Variants in TXNRD1 observed in about 807,000 individuals in gnomAD.
The protein encoded by TXNRD1 is thioredoxin reductase 1, also known as thioredoxin reductase 1, cytoplasmic.
In TXNRD1, 57 loss-of-function variants were observed where a neutral mutation model predicts 80.3. That is an observed-to-expected ratio of 0.71 (90% CI 0.57 to 0.89). TXNRD1 has a LOEUF of 0.89. Among genes scored for constraint, TXNRD1 ranks in the 40% least tolerant of loss-of-function variants. The pLI is 0.00. For synonymous variants in TXNRD1, 291 were observed against 285.2 expected, an observed-to-expected ratio of 1.02 and a Z score of -0.20; for missense variants, 730 against 803.0, an observed-to-expected ratio of 0.91 and a Z score of 1.10.
At chr12:104,235,519 A>G (rs1286066438) in intron 1 of TXNRD1, among the ~76,000 whole-genome samples, 1 of 152,226 alleles carries the variant, frequency 6.6e-6, no homozygotes, top group Non-Finnish European at 1.5e-5. Context: ...AAGAGGGTAA[A>G]AAGGTTTACC....
chr12:104,283,731 G>T (rs537015873), intron 3 of TXNRD1, among the ~76,000 whole-genome samples: 1 of 152,072 alleles, frequency 6.6e-6, no homozygotes, highest in Non-Finnish European at 1.5e-5. Context: ...TTAGCCAGGC[G>T]TGGTGGCACA....
intron 3 of TXNRD1, among the ~76,000 whole-genome samples, chr12:104,269,400 T>TTTC (rs200934323): frequency 2.0e-3 from 121 of 61,634 alleles, no homozygotes; most frequent in Non-Finnish European, 2.6e-3. Context: ...TGTTTCTTTC[T>TTTC]TTTTTTTTTT....
Position 104,298,740 on chromosome 12 carries a change from T to A in TXNRD1, c.414+9700T>A, listed in dbSNP as rs2034514800. Among the ~76,000 whole-genome samples, 3 of 151,060 alleles carry A rather than the reference T, an allele frequency of 2.0e-5. No homozygotes were observed. In the South Asian group the frequency reaches 6.2e-4, roughly 31 times the overall value. ...CTCTATCTAAAATAAAAATAAAAAA[T>A]AAAAAAAATTAAATTTTTTTCTGTT... is the stretch of plus-strand genomic sequence containing the variant. On this transcript the variant is annotated intron_variant, in intron 4 of 16. Coordinates refer to ENST00000525566, the MANE Select transcript of TXNRD1 (RefSeq NM_001093771.3).
At chr12:104,311,966 A>C (rs1042806073) in intron 5 of TXNRD1, among the ~76,000 whole-genome samples, 1 of 151,888 alleles carries the variant, frequency 6.6e-6, no homozygotes, top group African/African-American at 2.4e-5. Context: ...GGTCAACAGG[A>C]GCAAAACTCT....
In TXNRD1 at chr12:104,321,167, G is replaced by A. The variant is rs375808643; in HGVS notation, c.1066G>A (p.Ala356Thr). 2.2e-5 allele frequency: 36 copies of A among 1,613,064 alleles called. No homozygotes were observed. Among genetic ancestry groups the A allele is most frequent in the Admixed American group, 6.7e-5 (4 of 59,926 alleles). The change falls in exon 10 of 17, where the codon GCT becomes ACT. Residue 356 changes from alanine to threonine, a missense_variant. By Grantham distance (58) the Ala-to-Thr change is moderately conservative. Transcript: ENST00000525566. ...VGASYVALEC[A>T]GFLAGIGLDV... is the part of the protein sequence containing the mutation. The stretch of plus-strand genomic sequence containing the variant: ...AGCATCCTATGTCGCTTTGGAGTGC[G>A]CTGGATTTCTTGCTGGTATTGGTTT...
At chr12:104,300,693 C>T (rs576600824) in intron 4 of TXNRD1, among the ~76,000 whole-genome samples, 5 of 152,078 alleles carry the variant, frequency 3.3e-5, no homozygotes, top group African/African-American at 7.2e-5. Flanking sequence ...GTTTTTGAGG[C>T]GGGGTTTCGC....
chr12:104,326,339 T>C lies in TXNRD1; in HGVS notation c.1309-8T>C. On this transcript the variant is annotated splice_polypyrimidine_tract_variant and splice_region_variant and intron_variant, in intron 11 of 16. Coordinates refer to ENST00000525566, the MANE Select transcript of TXNRD1 (RefSeq NM_001093771.3). ...TTATTAGTCACTAATATATTAATAA[T>C]TTTTCAGGTGATGCTGGCAATAGGA... The C allele has an allele frequency of 6.4e-7, 1 of 1,569,386 alleles. No individual in the cohort carries two copies. The highest frequency in any genetic ancestry group is 8.6e-7 in the Non-Finnish European group (1 of 1,159,706).
intron 4 of TXNRD1, among the ~76,000 whole-genome samples, chr12:104,292,559 A>C (rs893667390): frequency 6.6e-6 from 1 of 151,760 alleles, no homozygotes; most frequent in Admixed American, 6.6e-5. Context: ...ATGCCTGGCT[A>C]ATTTTGTATT....
At chr12:104,260,762 C>T (rs2033349741) in intron 3 of TXNRD1, among the ~76,000 whole-genome samples, 1 of 152,122 alleles carries the variant, frequency 6.6e-6, no homozygotes, top group Non-Finnish European at 1.5e-5. Flanking sequence ...AAACTTAAGT[C>T]ACTTGCAACT....
At chr12:104,281,492 C>T (rs183435180) in intron 3 of TXNRD1, among the ~76,000 whole-genome samples, 99 of 150,026 alleles carry the variant, frequency 6.6e-4, no homozygotes, top group Middle Eastern at 6.9e-3. Flanking sequence ...CTGCAAACTC[C>T]GCCTCCCGGG....
chr12:104,250,943 A>C (rs1304382182), intron 1 of TXNRD1, among the ~76,000 whole-genome samples: 1 of 152,246 alleles, frequency 6.6e-6, no homozygotes, highest in Non-Finnish European at 1.5e-5. Flanking sequence ...AAGCTGGATC[A>C]TGTTTGTTTT....
At chr12:104,290,986 T>C (rs1376109982) in intron 4 of TXNRD1, 5 of 662,956 alleles carry the variant, frequency 7.5e-6, no homozygotes, top group Non-Finnish European at 1.1e-5. Flanking sequence ...AACTTTTTTT[T>C]CTTTAGAGAT....
chr12:104,294,613 A>G (rs1258966114), intron 4 of TXNRD1, among the ~76,000 whole-genome samples: 1 of 152,218 alleles, frequency 6.6e-6, no homozygotes, highest in Non-Finnish European at 1.5e-5. Context: ...GTTTTATATT[A>G]TACTGGAACA....
At chr12:104,218,933 A>G (rs1030782143) in intron 1 of TXNRD1, among the ~76,000 whole-genome samples, 12 of 151,932 alleles carry the variant, frequency 7.9e-5, no homozygotes, top group Admixed American at 7.9e-4. Context: ...ACACATACAT[A>G]TATACATAAT....
intron 3 of TXNRD1, among the ~76,000 whole-genome samples, chr12:104,259,432 A>G (rs1026337703): frequency 6.6e-6 from 1 of 151,990 alleles, no homozygotes; most frequent in South Asian, 2.1e-4. Context: ...ATTCAACTAG[A>G]CAGAGAAAGA....
intron 11 of TXNRD1, 23 bp downstream of exon 11, chr12:104,325,452 T>C (rs2035724913): frequency 1.3e-6 from 2 of 1,548,920 alleles, no homozygotes; most frequent in African/African-American, 2.7e-5. Context: ...CCCAGGTTAA[T>C]ACTTTATCAG....
intron 4 of TXNRD1, chr12:104,304,711 ATT>A (rs1565889916): frequency 1.2e-6 from 2 of 1,613,680 alleles, no homozygotes; most frequent in Admixed American, 3.3e-5. Flanking sequence ...TGGAGAATAT[ATT>A]TTATGTTTCT....
chr12:104,242,988 G>C (rs2135696289), intron 1 of TXNRD1, among the ~76,000 whole-genome samples: 1 of 152,226 alleles, frequency 6.6e-6, no homozygotes, highest in East Asian at 1.9e-4. Flanking sequence ...TTCTTGGCTA[G>C]GACCCCAACA....
At chr12:104,264,319 A>G (rs574676364) in intron 3 of TXNRD1, among the ~76,000 whole-genome samples, 1 of 152,346 alleles carries the variant, frequency 6.6e-6, no homozygotes, top group African/African-American at 2.4e-5. Flanking sequence ...AAACAAAAGC[A>G]ACTTAGAAAA....
Sources: allele counts gnomAD v4.1 joint callset (sites outside exome capture counted in the v4.1 genomes callset), GRCh38; gene constraint gnomAD v4.1.1; transcripts MANE v1.5; gene names NCBI Gene and HGNC (gene_info 2026-07-23, HGNC 2026-07-21).